Variants in FRAS1 observed in about 807,000 individuals in gnomAD.
FRAS1 encodes extracellular matrix organizing protein FRAS1.
Under a neutral mutation model 435.2 loss-of-function variants are expected in FRAS1, and 290 were observed. The ratio of observed to expected loss-of-function variants is 0.67; its 90% confidence interval spans 0.61 to 0.73. The LOEUF (loss-of-function observed/expected upper bound fraction) is 0.73, where lower values mean the gene tolerates loss of function less well. Among genes scored for constraint, FRAS1 ranks in the 30% least tolerant of loss-of-function variants. The pLI is 0.00. For missense variants in FRAS1, 4,860 were observed against 5,001.5 expected, an observed-to-expected ratio of 0.97 and a Z score of 0.85; for synonymous variants, 1,800 against 1,851.0, an observed-to-expected ratio of 0.97 and a Z score of 0.71.
At chr4:78,402,215 C>A (rs1732921084) in intron 30 of FRAS1, among the ~76,000 whole-genome samples, 1 of 151,570 alleles carries the variant, frequency 6.6e-6, no homozygotes, top group Non-Finnish European at 1.5e-5. Context: ...AAAATTATAG[C>A]CATTAAAAGT....
At chr4:78,129,985 C>T (rs1263288476) in intron 2 of FRAS1, among the ~76,000 whole-genome samples, 1 of 152,178 alleles carries the variant, frequency 6.6e-6, no homozygotes, top group Non-Finnish European at 1.5e-5. Context: ...CTACTTGGCT[C>T]CTGCACTAGA....
chr4:78,379,360 T>A, intron 26 of FRAS1: 1 of 207,682 alleles, frequency 4.8e-6, no homozygotes, highest in South Asian at 1.0e-4. Context: ...GAATTAGGAA[T>A]GGCCTACTCC....
In FRAS1 at chr4:78,542,433, C is replaced by T. The variant is rs1362902178; in HGVS notation, c.*1309C>T. On this transcript the variant is annotated 3_prime_UTR_variant, in exon 74 of 74. Coordinates refer to ENST00000512123, the MANE Select transcript of FRAS1 (RefSeq NM_025074.7). ...TTGGCGGAAACATAAGCGTGCATGCCATGTTGTTTTGAATTGGAGGCACAA... is the reference window on the plus strand; with the variant it reads ...TTGGCGGAAACATAAGCGTGCATGCTATGTTGTTTTGAATTGGAGGCACAA... 1 of 152,550 alleles carries T rather than the reference C, an allele frequency of 6.6e-6. No homozygotes were observed. The highest frequency in any genetic ancestry group is 1.5e-5 in the Non-Finnish European group (1 of 68,034). 9.4% of individuals were successfully genotyped at this position (152,550 alleles called of 1,614,324 possible).
At chr4:78,500,006 A>G (rs1285362143) in intron 61 of FRAS1, 85 bp downstream of exon 61, 2 of 1,130,706 alleles carry the variant, frequency 1.8e-6, no homozygotes, top group Non-Finnish European at 2.4e-6. Context: ...TAAACAGATA[A>G]ATGAAAAAGG....
At chr4:78,365,706 C>G (rs1015188083) in intron 22 of FRAS1, among the ~76,000 whole-genome samples, 4 of 147,676 alleles carry the variant, frequency 2.7e-5, no homozygotes, top group African/African-American at 1.0e-4. Flanking sequence ...AAATACGCTC[C>G]TAAGTTGGGA....
intron 2 of FRAS1, among the ~76,000 whole-genome samples, chr4:78,072,988 G>C (rs575460378): frequency 3.9e-5 from 6 of 152,130 alleles, no homozygotes; most frequent in African/African-American, 1.4e-4. Flanking sequence ...GTGTGTTTCC[G>C]CCTAAGGAAA....
intron 3 of FRAS1, among the ~76,000 whole-genome samples, chr4:78,238,857 T>C (rs1370221915): frequency 6.6e-6 from 1 of 152,192 alleles, no homozygotes; most frequent in African/African-American, 2.4e-5. Flanking sequence ...ATGCTCTATA[T>C]CAGGGGTTAG....
At chr4:78,423,809 G>A (rs149007231) in intron 34 of FRAS1, among the ~76,000 whole-genome samples, 172 of 152,270 alleles carry the variant, frequency 1.1e-3, no homozygotes, top group African/African-American at 4.0e-3. Context: ...TATGTTACAA[G>A]TCCTACTTCA....
At chr4:78,377,019 A>G (rs2110315464) in intron 26 of FRAS1, among the ~76,000 whole-genome samples, 1 of 152,188 alleles carries the variant, frequency 6.6e-6, no homozygotes, top group South Asian at 2.1e-4. Context: ...AATAGGTAAC[A>G]TGTTAAGAAA....
rs751323135 is a variant in FRAS1 at position 78,477,914 on chromosome 4, A to C, written c.7951A>C (p.Met2651Leu). The change falls in exon 55 of 74, where the codon ATG (methionine) becomes CTG (leucine). Residue 2651 changes from methionine (M) to leucine (L), a missense_variant. Transcript: ENST00000512123. ...TGAGAGTTTCACTGTGGAGCTCAGC[A>C]TGCCAGCTTATGCCCTGTTAGGGGA... ...NVESFTVELS[M>L]PAYALLGEFT... 2.4e-5 allele frequency: 39 copies of C among 1,613,644 alleles called. No homozygotes were observed. The highest frequency in any genetic ancestry group is 3.1e-5 in the Non-Finnish European group (37 of 1,179,782).
At chr4:78,187,894 C>T (rs1014039127) in intron 2 of FRAS1, among the ~76,000 whole-genome samples, 6 of 152,182 alleles carry the variant, frequency 3.9e-5, no homozygotes, top group South Asian at 4.1e-4. Flanking sequence ...TGAGCCACCA[C>T]GCCTGGCTCC....
At chr4:78,477,498 T>C (rs1433137557) in intron 54 of FRAS1, among the ~76,000 whole-genome samples, 1 of 152,194 alleles carries the variant, frequency 6.6e-6, no homozygotes, top group Non-Finnish European at 1.5e-5. Flanking sequence ...AAATGATGAC[T>C]GTTGCTGCCC....
In FRAS1 at chr4:78,448,083, A is replaced by T. The variant is rs1274312415; in HGVS notation, c.6041A>T (p.Glu2014Val). The T allele has an allele frequency of 6.2e-7, 1 of 1,612,388 alleles. No homozygotes were observed. Among genetic ancestry groups the T allele is most frequent in the Admixed American group, 1.7e-5 (1 of 59,874 alleles). Residue 2014 changes from glutamate to valine, a missense_variant, in exon 44 of 74, where the codon GAG becomes GTG. Glu to Val is a moderately radical substitution (Grantham distance 121). Transcript: ENST00000512123. ...GHVLWRQTAS[E>V]PLENGRVLVQ... is the part of the protein sequence containing the mutation. ...GTACTCTGGAGGCAAACTGCTTCTG[A>T]GCCTCTGGAGAATGGGAGAGTTTTA...
intron 33 of FRAS1, among the ~76,000 whole-genome samples, chr4:78,421,401 G>A (rs13104315): frequency 0.31 from 47,794 of 151,926 alleles, 8,161 homozygotes; most frequent in Non-Finnish European, 0.38. Flanking sequence ...ACCCACCTCA[G>A]CCTCCCAAAG....
At chr4:78,181,267 A>T in intron 2 of FRAS1, 1 of 1,607,430 alleles carries the variant, frequency 6.2e-7, no homozygotes. Context: ...CTTCAACATC[A>T]TTCTCCTTAT....
At chr4:78,336,606 CCTT>C (rs1451068871) in intron 19 of FRAS1, among the ~76,000 whole-genome samples, 1 of 152,040 alleles carries the variant, frequency 6.6e-6, no homozygotes, top group Non-Finnish European at 1.5e-5. Flanking sequence ...AGAGTGCTAT[CCTT>C]CTAATCAGCA....
At chr4:78,471,702 G>A (rs549920924) in intron 51 of FRAS1, among the ~76,000 whole-genome samples, 2 of 152,200 alleles carry the variant, frequency 1.3e-5, no homozygotes, top group Admixed American at 6.5e-5. Context: ...AGTGTATTTG[G>A]GCAATATCAG....
At chr4:78,179,970 A>T (rs949422502) in intron 2 of FRAS1, among the ~76,000 whole-genome samples, 3 of 152,230 alleles carry the variant, frequency 2.0e-5, no homozygotes, top group Non-Finnish European at 4.4e-5. Context: ...ATATCACTAT[A>T]CTTACATTAA....
intron 19 of FRAS1, among the ~76,000 whole-genome samples, chr4:78,335,550 C>T (rs1730137640): frequency 1.3e-5 from 2 of 152,176 alleles, no homozygotes; most frequent in African/African-American, 4.8e-5. Context: ...GAACAGAATA[C>T]ACCTCTCAGT....
Sources: allele counts gnomAD v4.1 joint callset (sites outside exome capture counted in the v4.1 genomes callset), GRCh38; gene constraint gnomAD v4.1.1; transcripts MANE v1.5; gene names NCBI Gene and HGNC (gene_info 2026-07-23, HGNC 2026-07-21).